The following ABCF3 variants were observed in gnomAD, a reference collection of about 807,000 sequenced individuals.
ABCF3 encodes the protein ATP binding cassette subfamily F member 3.
Under a neutral mutation model 94.3 loss-of-function variants are expected in ABCF3, and 62 were observed. The ratio of observed to expected loss-of-function variants is 0.66; its 90% CI spans 0.54 to 0.81. ABCF3 has a LOEUF of 0.81. Ranked by LOEUF, ABCF3 falls within the 40% of genes least tolerant of loss-of-function variation. The pLI is 0.00. For synonymous variants in ABCF3, 355 were observed against 361.1 expected, an observed-to-expected ratio of 0.98 and a Z score of 0.19; for missense variants, 843 against 925.3, an observed-to-expected ratio of 0.91 and a Z score of 1.15.
At chr3:184,191,421 G>T (rs1471579425) in intron 16 of ABCF3, among the ~76,000 whole-genome samples, 166 bp downstream of exon 16, 1 of 152,148 alleles carries the variant, frequency 6.6e-6, no homozygotes, top group African/African-American at 2.4e-5. Flanking sequence ...TCCTCTGGCC[G>T]CACAGCGCTG....
At chr3:184,189,474 G>A (rs1560134503) in intron 12 of ABCF3, 31 bp downstream of exon 12, 1 of 1,614,014 alleles carries the variant, frequency 6.2e-7, no homozygotes, top group Non-Finnish European at 8.5e-7. Context: ...GAGTGTGTTG[G>A]GGAAAGGCGG....
chr3:184,193,184 G>C lies in ABCF3; in HGVS notation c.1833G>C (p.Leu611=). ...TGGCCATGCGTCCTCTTGCCAGCCT[G>C]TCTGGGGGCCAGAAGAGCCGAGTGG... ...GELAMRPLAS[L]SGGQKSRVAF... is the part of the protein sequence containing the mutation. Residue 611 remains leucine (L), a synonymous_variant, in exon 19 of 21, where the codon CTG becomes CTC. Transcript: ENST00000429586. This position sits in a 1 kb window ranked among gnomAD's most constrained non-coding sequence, Gnocchi z 5.2. 6.4e-7 allele frequency: 1 copy of C among 1,566,716 alleles called. No individual in the cohort carries two copies. The highest frequency in any genetic ancestry group is 8.6e-7 in the Non-Finnish European group (1 of 1,156,622).
rs768785470 is a variant in ABCF3, at chr3:184,186,783, C to A, written c.222-13C>A. 6.2e-7 allele frequency: 1 copy of A among 1,612,100 alleles called. No homozygotes were observed. ...AACTCCTAACTCTGCGCTTTCTATC[C>A]CTACCCACATAGGGCTGAGCCACAA... On this transcript the variant is annotated splice_polypyrimidine_tract_variant and intron_variant, in intron 2 of 20. Transcript: ENST00000429586.
chr3:184,190,909 C>G, intron 14 of ABCF3, 90 bp from the exon 15 acceptor site: 1 of 1,475,342 alleles, frequency 6.8e-7, no homozygotes, highest in South Asian at 1.2e-5. Flanking sequence ...GAGTACAAGC[C>G]CTTTCTAAGT....
rs762034282 is a variant in ABCF3 at position 184,193,316 on chromosome 3, T to C, written c.1884-49T>C. On this transcript the variant is annotated intron_variant, in intron 19 of 20. Transcript: ENST00000429586. This position sits in a 1 kb window ranked among gnomAD's most constrained non-coding sequence, Gnocchi z 5.2. ...AAAACTGTATCAGAAGGCTTTATTT[T>C]CTCTCACCGCACCCCTTCACTGCCC... The C allele has an allele frequency of 6.8e-6, 11 of 1,613,232 alleles. No individual in the cohort carries two copies. The highest frequency in any genetic ancestry group is 9.3e-6 in the Non-Finnish European group (11 of 1,179,604).
At chr3:184,187,470 ACTGT>A (rs750554913) in intron 4 of ABCF3, 27 bp downstream of exon 4, 1 of 1,607,574 alleles carries the variant, frequency 6.2e-7, no homozygotes, top group South Asian at 1.1e-5. Context: ...AAGGGAGGGG[ACTGT>A]CTGTGATGGG....
In ABCF3 at chr3:184,188,138, C is replaced by T. The variant is rs1367616318; in HGVS notation, c.570-3C>T. On this transcript the variant is annotated splice_region_variant and splice_polypyrimidine_tract_variant and intron_variant, in intron 6 of 20. Coordinates refer to ENST00000429586, the MANE Select transcript of ABCF3 (RefSeq NM_018358.3). Reference sequence around the variant, plus strand: ...CTTTGGTCTCCTTTCTCCACTCCTGCAGAGTACTGCTGGCTGGAGCGGATG... The same window carrying T: ...CTTTGGTCTCCTTTCTCCACTCCTGTAGAGTACTGCTGGCTGGAGCGGATG... 2.5e-6 allele frequency: 4 copies of T among 1,613,286 alleles called. No homozygotes were observed. Among genetic ancestry groups the T allele is most frequent in the Non-Finnish European group, 3.4e-6 (4 of 1,179,456 alleles).
intron 8 of ABCF3, 28 bp downstream of exon 8, chr3:184,188,869 A>C: frequency 6.2e-7 from 1 of 1,614,080 alleles, no homozygotes; most frequent in Non-Finnish European, 8.5e-7. Flanking sequence ...TCCCTCCTTC[A>C]GATTTCCTTT....
Position 184,193,091 on chromosome 3 carries a change from T to G in ABCF3, c.1751-11T>G. On this transcript the variant is annotated splice_polypyrimidine_tract_variant and intron_variant, in intron 18 of 20. Coordinates refer to ENST00000429586, the MANE Select transcript of ABCF3 (RefSeq NM_018358.3). This position sits in a 1 kb window ranked among gnomAD's most constrained non-coding sequence, Gnocchi z 5.2. Reference sequence around the variant, plus strand: ...CCAAGAAGCCACCTGATCTGGGGAGTCCTTTTCCAGGGCGGCCTGAGGAGG... The same window carrying G: ...CCAAGAAGCCACCTGATCTGGGGAGGCCTTTTCCAGGGCGGCCTGAGGAGG... The G allele has an allele frequency of 3.3e-6, 5 of 1,532,370 alleles. No homozygotes were observed. The highest frequency in any genetic ancestry group is 4.4e-6 in the Non-Finnish European group (5 of 1,141,128). The allele number at this position is 1,532,370 out of a possible 1,614,324, so 94.9% of individuals were successfully genotyped here.
rs748656914 is a variant in ABCF3 at position 184,187,846 on chromosome 3, T to C, written c.447-15T>C. On this transcript the variant is annotated splice_polypyrimidine_tract_variant and intron_variant, in intron 5 of 20. Coordinates refer to ENST00000429586, the MANE Select transcript of ABCF3 (RefSeq NM_018358.3). The stretch of plus-strand genomic sequence containing the variant: ...GGTGGGGAGCACTAAGAGCTGTCCA[T>C]TTCTCCCTTTAAAGAGTCTTAGAAG... 6.2e-6 allele frequency: 10 copies of C among 1,614,090 alleles called. No homozygotes were observed. Among genetic ancestry groups the C allele is most frequent in the Non-Finnish European group, 8.5e-6 (10 of 1,180,022 alleles).
rs1228379971 is a variant in ABCF3 at position 184,189,844 on chromosome 3, T to G, written c.1315-11T>G. ...GGAATTTGACCAATGCCTACACTCC[T>G]CCACCTGCAGGTTTTCATTGACCGG... On this transcript the variant is annotated splice_polypyrimidine_tract_variant and intron_variant, in intron 13 of 20. Coordinates refer to ENST00000429586, the MANE Select transcript of ABCF3 (RefSeq NM_018358.3). 6.2e-7 allele frequency: 1 copy of G among 1,614,088 alleles called. No homozygotes were observed. Among genetic ancestry groups the G allele is most frequent in the African/African-American group, 1.3e-5 (1 of 74,932 alleles).
At position 184,192,706 on chromosome 3, in the gene ABCF3, C is replaced by T. The variant is rs755327693; in HGVS notation, c.1658+17C>T. On this transcript the variant is annotated intron_variant, in intron 17 of 20. Coordinates refer to ENST00000429586, the MANE Select transcript of ABCF3 (RefSeq NM_018358.3). ...CGCTCACAGGTCAGGCCCACCCGCA[C>T]CCCTGCCCCCATGAGCACATTTGCA... The T allele has an allele frequency of 6.2e-7, 1 of 1,609,994 alleles. No individual in the cohort carries two copies. Among genetic ancestry groups the T allele is most frequent in the Non-Finnish European group, 8.5e-7 (1 of 1,177,802 alleles).
Position 184,192,882 on chromosome 3 carries a change from C to T in ABCF3, c.1736C>T (p.Ala579Val). ...DLNVSAVELL[A>V]RKFPGRPEEE... ...AACGTCAGTGCTGTGGAACTGCTGGCACGCAAGTTTCCTGGTGAGTTAGGG... is the reference window on the plus strand; with the variant it reads ...AACGTCAGTGCTGTGGAACTGCTGGTACGCAAGTTTCCTGGTGAGTTAGGG... Residue 579 changes from alanine (A) to valine (V), a missense_variant, in exon 18 of 21, where the codon GCA becomes GTA. By Grantham distance (64) the Ala-to-Val change is moderately conservative (BLOSUM62 0). Coordinates refer to ENST00000429586, the MANE Select transcript of ABCF3 (RefSeq NM_018358.3). 1 of 1,614,068 alleles carries T rather than the reference C, an allele frequency of 6.2e-7. No homozygotes were observed. The highest frequency in any genetic ancestry group is 1.1e-5 in the South Asian group (1 of 91,080).
At chr3:184,190,815 A>G in intron 14 of ABCF3, 184 bp from the exon 15 acceptor site, 2 of 688,794 alleles carry the variant, frequency 2.9e-6, no homozygotes, top group South Asian at 4.0e-5. Context: ...CTGGGGATAA[A>G]AAGTCACAAA....
chr3:184,191,223 G>C lies in ABCF3; in HGVS notation c.1537G>C (p.Val513Leu). 1 of 1,614,206 alleles carries C rather than the reference G, an allele frequency of 6.2e-7. No individual in the cohort carries two copies. Among genetic ancestry groups the C allele is most frequent in the Non-Finnish European group, 8.5e-7 (1 of 1,180,048 alleles). Reference sequence around the variant, plus strand: ...GCACGTCATCTTCAGTCGCCTCTCTGTGTCTGCTGATCTCGAGTCTCGCAT... The same window carrying C: ...GCACGTCATCTTCAGTCGCCTCTCTCTGTCTGCTGATCTCGAGTCTCGCAT... ...PKHVIFSRLS[V>L]SADLESRICV... Residue 513 changes from valine to leucine, a missense_variant, in exon 16 of 21, where the codon GTG becomes CTG. Val to Leu is a conservative substitution (Grantham distance 32). Transcript: ENST00000429586.
At position 184,193,387 on chromosome 3, in the gene ABCF3, GA is replaced by G; in HGVS notation, c.1908del (p.Glu636AspfsTer25). On this transcript the variant is annotated frameshift_variant, in exon 20 of 21. Transcript: ENST00000429586. LOFTEE classifies it high-confidence loss of function. The surrounding 1 kb of genome is among the most constrained non-coding windows in gnomAD (Gnocchi z 5.2). ...MPCPNFYILD[E>X]PTNHLDMETI... ...CAGCCCCAACTTCTACATTCTGGAT[GA>G]ACCCACAAACCACCTGGACATGGAG... 6.2e-7 allele frequency: 1 copy of G among 1,614,136 alleles called. No individual in the cohort carries two copies. The highest frequency in any genetic ancestry group is 8.5e-7 in the Non-Finnish European group (1 of 1,180,034).
chr3:184,188,527 C>T, intron 7 of ABCF3, 120 bp downstream of exon 7: 1 of 1,327,532 alleles, frequency 7.5e-7, no homozygotes, highest in Admixed American at 2.5e-5. Flanking sequence ...TAGAACTTGG[C>T]ACTCTGGGAC....
chr3:184,187,150 T>C, intron 3 of ABCF3: 1 of 632,976 alleles, frequency 1.6e-6, no homozygotes, highest in South Asian at 1.9e-5. Flanking sequence ...GCTAACCAGC[T>C]GCATGATCTT....
Position 184,193,678 on chromosome 3 carries a change from C to T in ABCF3, c.2110C>T (p.Arg704Cys), listed in dbSNP as rs779011033. 99 of 1,612,622 alleles carry T rather than the reference C, an allele frequency of 6.1e-5. No individual in the cohort carries two copies. The highest frequency in any genetic ancestry group is 1.6e-4 in the East Asian group (7 of 44,874). The change falls in exon 21 of 21, where the codon CGC becomes TGC. Residue 704 changes from arginine (R) to cysteine (C), a missense_variant. Physicochemically the swap from Arg to Cys is radical, Grantham distance 180. Transcript: ENST00000429586. This position sits in a 1 kb window ranked among gnomAD's most constrained non-coding sequence, Gnocchi z 5.2. Reference sequence around the variant, plus strand: ...CCGCGCCCTCCTCCAGGAACAGTTCCGCCGCGAAGGCTTCCTCTAGGGCCA... The same window carrying T: ...CCGCGCCCTCCTCCAGGAACAGTTCTGCCGCGAAGGCTTCCTCTAGGGCCA... ...QYRALLQEQF[R>C]REGFL
Sources: gnomAD v4.1 joint callset for allele counts (sites outside exome capture counted in the v4.1 genomes callset) on GRCh38, gnomAD v4.1.1 for gene constraint, Gnocchi (gnomAD v3.1) non-coding constraint, MANE v1.5 for transcripts, NCBI Gene and HGNC (gene_info 2026-07-23, HGNC 2026-07-21) for gene names.